The following GLRX3 variants were observed in gnomAD, a reference collection of about 807,000 sequenced individuals.
GLRX3 encodes glutaredoxin-3.
GLRX3 carries 22 observed loss-of-function variants against 49.5 expected under a neutral mutation model. That is an observed-to-expected ratio of 0.44 (90% confidence interval 0.32 to 0.63). The LOEUF is 0.63. Ranked by LOEUF, GLRX3 falls within the 30% of genes least tolerant of loss-of-function variation. The probability of loss-of-function intolerance (pLI) is 0.05; values close to 1 mark genes in which losing one functional copy is unlikely to be tolerated. For missense variants in GLRX3, 385 were observed against 396.3 expected (o/e 0.97, Z 0.24); for synonymous variants, 133 against 140.0 (o/e 0.95, Z 0.35).
intron 2 of GLRX3, among the ~76,000 whole-genome samples, chr10:130,155,660 G>A (rs965742994): frequency 3.3e-5 from 5 of 152,170 alleles, no homozygotes; most frequent in African/African-American, 9.7e-5. Context: ...TCTGAGTGCA[G>A]GTGTTGAGTG....
At chr10:130,152,771 TATATGTCTTGGG>T (rs149363279) in intron 2 of GLRX3, among the ~76,000 whole-genome samples, 15,214 of 152,166 alleles carry the variant, frequency 0.1, 778 homozygotes, top group Middle Eastern at 0.13. Flanking sequence ...ATCTGACAGT[TATATGTCTTGGG>T]GTCGCTCTTC....
intron 6 of GLRX3, 129 bp from the exon 7 acceptor site, chr10:130,169,300 CTTGT>C (rs1356617156): frequency 1.6e-6 from 1 of 632,896 alleles, no homozygotes; most frequent in Non-Finnish European, 2.9e-6. Context: ...AACGCATTTG[CTTGT>C]TTAATACCAC....
At position 130,179,483 on chromosome 10, in the gene GLRX3, A is replaced by G; in HGVS notation, c.*91A>G. Reference sequence around the variant, plus strand: ...TTTAGTCCTCAGAAATGGACTAGGAATAGAAAATTCCTGCTTTCTCAGTTA... The same window carrying G: ...TTTAGTCCTCAGAAATGGACTAGGAGTAGAAAATTCCTGCTTTCTCAGTTA... On this transcript the variant is annotated 3_prime_UTR_variant, in exon 11 of 11. Coordinates refer to ENST00000331244, the MANE Select transcript of GLRX3 (RefSeq NM_006541.5). The G allele has an allele frequency of 4.2e-6, 3 of 711,296 alleles. No individual in the cohort carries two copies. The highest frequency in any genetic ancestry group is 3.5e-5 in the South Asian group (2 of 56,996). 44.1% of individuals were successfully genotyped at this position (711,296 alleles called of 1,614,324 possible).
At chr10:130,169,601 T>C (rs973461371) in intron 7 of GLRX3, 111 bp downstream of exon 7, 1 of 733,334 alleles carries the variant, frequency 1.4e-6, no homozygotes, top group East Asian at 2.6e-5. Context: ...TGTAGCGATA[T>C]CAGGAAGTTA....
intron 1 of GLRX3, among the ~76,000 whole-genome samples, chr10:130,140,850 G>T (rs1862159598): frequency 6.6e-6 from 1 of 152,112 alleles, no homozygotes; most frequent in African/African-American, 2.4e-5. Flanking sequence ...TTGAGCATCA[G>T]AAATTTTTCT....
At chr10:130,152,734 T>C (rs539985559) in intron 2 of GLRX3, among the ~76,000 whole-genome samples, 1 of 152,220 alleles carries the variant, frequency 6.6e-6, no homozygotes, top group East Asian at 1.9e-4. Context: ...GCCCTTAACA[T>C]TTTTTCCTTA....
chr10:130,168,369 A>G (rs1862733902), intron 6 of GLRX3, among the ~76,000 whole-genome samples: 1 of 152,112 alleles, frequency 6.6e-6, no homozygotes, highest in South Asian at 2.1e-4. Flanking sequence ...AGCTAATCCC[A>G]CTCGGTTGGC....
rs779422263 is a variant in GLRX3 at position 130,145,300 on chromosome 10, C to A, written c.182C>A (p.Pro61His). 1.3e-5 allele frequency: 19 copies of A among 1,452,184 alleles called. No homozygotes were observed. The highest frequency in any genetic ancestry group is 1.7e-5 in the Non-Finnish European group (18 of 1,032,888). 90.0% of individuals were successfully genotyped at this position (1,452,184 alleles called of 1,614,324 possible). A position where few individuals can be genotyped will look rare whatever the true frequency, so the allele number is the denominator to read the frequency against. Residue 61 changes from proline to histidine, a missense_variant, in exon 2 of 11, where the codon CCT becomes CAT. Physicochemically the swap from Pro to His is moderately conservative, Grantham distance 77. This residue lies in a region of GLRX3 where 374 missense variants were observed against 358.6 expected (regional missense o/e 1.04). Coordinates refer to ENST00000331244, the MANE Select transcript of GLRX3 (RefSeq NM_006541.5). Reference protein sequence around the residue: ...EVMAELAKELPQVSFVKLEAE... With the variant: ...EVMAELAKELHQVSFVKLEAE... ...ATGGCAGAGTTAGCTAAAGAACTCC[C>A]TCAAGTTTCATTTGTGAAGGTATTT...
chr10:130,148,729 A>G (rs1489394844), intron 2 of GLRX3, among the ~76,000 whole-genome samples: 1 of 152,026 alleles, frequency 6.6e-6, no homozygotes, highest in African/African-American at 2.4e-5. Flanking sequence ...TATTTATTGC[A>G]TCTGAATCCC....
At chr10:130,144,847 T>A (rs867670928) in intron 1 of GLRX3, among the ~76,000 whole-genome samples, 1 of 152,210 alleles carries the variant, frequency 6.6e-6, no homozygotes, top group Non-Finnish European at 1.5e-5. Flanking sequence ...CTGGGTCAAA[T>A]GGTATTTCTG....
intron 1 of GLRX3, among the ~76,000 whole-genome samples, chr10:130,143,428 T>G (rs1008537985): frequency 1.3e-5 from 2 of 152,230 alleles, no homozygotes; most frequent in Non-Finnish European, 2.9e-5. Context: ...ATTTTTTAGT[T>G]GGATATGACC....
chr10:130,159,227 C>A (rs7082526), intron 2 of GLRX3, among the ~76,000 whole-genome samples: 123,076 of 152,164 alleles, frequency 0.81, 50,462 homozygotes, highest in African/African-American at 0.93. Flanking sequence ...GGTATTTCTC[C>A]AAGTGTATCA....
At chr10:130,177,640 C>T (rs1031330096) in intron 10 of GLRX3, among the ~76,000 whole-genome samples, 2 of 152,146 alleles carry the variant, frequency 1.3e-5, no homozygotes, top group African/African-American at 4.8e-5. Context: ...CTGCCCTTGC[C>T]CACTCAGCTG....
Position 130,169,464 on chromosome 10 carries a change from A to G in GLRX3, c.745A>G (p.Met249Val). ...AGTGCTGACAAATAAAGCTTCTGTG[A>G]TGCTCTTTATGAAAGGAAACAAACA... ...LKVLTNKASV[M>V]LFMKGNKQEA... Residue 249 changes from methionine to valine, a missense_variant, in exon 7 of 11, where the codon ATG (methionine) becomes GTG (valine). By Grantham distance (21) the Met-to-Val change is conservative. Around this residue, in one of 2 missense-constraint regions of GLRX3, gnomAD observed 374 missense variants for 358.6 expected, o/e 1.04. Transcript: ENST00000331244. 6.2e-7 allele frequency: 1 copy of G among 1,611,376 alleles called. No homozygotes were observed. Among genetic ancestry groups the G allele is most frequent in the Non-Finnish European group, 8.5e-7 (1 of 1,177,450 alleles).
chr10:130,136,440 A>AGGCAGCTGTAGCGGCCGT lies in GLRX3; in HGVS notation c.23_40dup (p.Ala8_Val13dup), dbSNP rs1314918557. The AGGCAGCTGTAGCGGCCGT allele has an allele frequency of 9.5e-6, 12 of 1,258,308 alleles. No homozygotes were observed. Among genetic ancestry groups the AGGCAGCTGTAGCGGCCGT allele is most frequent in the Non-Finnish European group, 7.0e-6 (7 of 995,608 alleles). The allele number at this position is 1,258,308 out of a possible 1,614,324, so 77.9% of individuals were successfully genotyped here. On this transcript the variant is annotated inframe_insertion, in exon 1 of 11. Coordinates refer to ENST00000331244, the MANE Select transcript of GLRX3 (RefSeq NM_006541.5). Reference sequence around the variant, plus strand: ...GGCAGCATGGCGGCGGGGGCGGCTGAGGCAGCTGTAGCGGCCGTGGAGGAG... The same window carrying AGGCAGCTGTAGCGGCCGT: ...GGCAGCATGGCGGCGGGGGCGGCTGAGGCAGCTGTAGCGGCCGTGGCAGCTGTAGCGGCCGTGGAGGAG...
At chr10:130,145,151 G>A (rs1862247253) in intron 1 of GLRX3, 60 bp from the exon 2 acceptor site, 1 of 672,380 alleles carries the variant, frequency 1.5e-6, no homozygotes, top group Non-Finnish European at 2.6e-6. Context: ...ATTTATATCA[G>A]TATTTGTGTA....
Position 130,144,592 on chromosome 10 carries a change from A to G in GLRX3, c.93-619A>G, listed in dbSNP as rs1412752555. Among the ~76,000 whole-genome samples, 5 of 152,192 alleles carry G rather than the reference A, an allele frequency of 3.3e-5. 1 individual carries two copies. In the South Asian group the frequency reaches 1.0e-3, roughly 32 times the overall value. ...TCTGTTCCTGTGTTAGTTTACTGAGAATGGTGGCTTCCAGCTTCATCCATG... is the reference window on the plus strand; with the variant it reads ...TCTGTTCCTGTGTTAGTTTACTGAGGATGGTGGCTTCCAGCTTCATCCATG... On this transcript the variant is annotated intron_variant, in intron 1 of 10. Coordinates refer to ENST00000331244, the MANE Select transcript of GLRX3 (RefSeq NM_006541.5).
rs183884473 is a variant in GLRX3 at position 130,168,019 on chromosome 10, A to G, written c.713+1039A>G. 2.0e-5 allele frequency among the ~76,000 whole-genome samples: 3 copies of G among 152,230 alleles called. No homozygotes were observed. In the East Asian group the frequency reaches 5.8e-4, roughly 29 times the overall value. On this transcript the variant is annotated intron_variant, in intron 6 of 10. Coordinates refer to ENST00000331244, the MANE Select transcript of GLRX3 (RefSeq NM_006541.5). Reference sequence around the variant, plus strand: ...TTTTATATGCTTGTATTTGCTCTTCAGTTGATTTTCCTTCTCTGCTGAGTG... The same window carrying G: ...TTTTATATGCTTGTATTTGCTCTTCGGTTGATTTTCCTTCTCTGCTGAGTG...
At position 130,160,868 on chromosome 10, in the gene GLRX3, T is replaced by C; in HGVS notation, c.349T>C (p.Ser117Pro). 1 of 1,610,304 alleles carries C rather than the reference T, an allele frequency of 6.2e-7. No homozygotes were observed. The highest frequency in any genetic ancestry group is 1.7e-5 in the Admixed American group (1 of 60,010). The change falls in exon 4 of 11, where the codon TCT becomes CCT. Residue 117 changes from serine to proline, a missense_variant. Transcript: ENST00000331244. ...GACCAAAAAAGTTCAGCGACATGCA[T>C]CTAGTGGCTCCTTCCTACCCAGCGC... ...ELTKKVQRHA[S>P]SGSFLPSANE...
Sources: allele counts gnomAD v4.1 joint callset (sites outside exome capture counted in the v4.1 genomes callset), GRCh38; gene constraint gnomAD v4.1.1; regional missense constraint gnomAD v4.1.1; transcripts MANE v1.5; gene names NCBI Gene and HGNC (gene_info 2026-07-23, HGNC 2026-07-21).